The following EFNB2 variants were observed in gnomAD, a reference collection of about 807,000 sequenced individuals.
The protein encoded by EFNB2 is ephrin B2, also known as ephrin-B2.
Under a neutral mutation model 32.1 loss-of-function variants are expected in EFNB2, and 5 were observed. The observed-to-expected ratio is 0.16, with a 90% CI of 0.08 to 0.33. The LOEUF is 0.33. EFNB2 is among the 10% of genes least tolerant of loss of function. The pLI, the probability that EFNB2 is intolerant of heterozygous loss-of-function variation, is 1.00. For missense variants in EFNB2, 263 were observed against 422.6 expected (o/e 0.62, Z 3.31); for synonymous variants, 168 against 166.5 (o/e 1.01, Z -0.07).
intron 2 of EFNB2, among the ~76,000 whole-genome samples, chr13:106,498,995 C>T (rs551816909): frequency 4.6e-5 from 7 of 152,240 alleles, no homozygotes; most frequent in East Asian, 3.9e-4. Context: ...TACAGTTACA[C>T]GTTCCACCAG....
intron 2 of EFNB2, among the ~76,000 whole-genome samples, chr13:106,510,589 C>A (rs777768914): frequency 6.6e-6 from 1 of 152,220 alleles, no homozygotes; most frequent in Non-Finnish European, 1.5e-5. Context: ...CCCCTCTTCC[C>A]GTACCACGAC....
rs986897088 is a variant in EFNB2, at chr13:106,492,159, C to G, written c.*881G>C. ...GTGCCTCCCCATGCACTGGAATCCA[C>G]TGTGTGTGCTGTCGTGTCTCCTACT... On this transcript the variant is annotated 3_prime_UTR_variant, in exon 5 of 5. Coordinates refer to ENST00000646441, the MANE Select transcript of EFNB2 (RefSeq NM_004093.4). This position sits in a 1 kb window ranked among gnomAD's most constrained non-coding sequence, Gnocchi z 5.1. 16 of 152,732 alleles carry G rather than the reference C, an allele frequency of 1.0e-4. No homozygotes were observed. The highest frequency in any genetic ancestry group is 9.2e-4 in the Admixed American group (14 of 15,288). 9.5% of individuals were successfully genotyped at this position (152,732 alleles called of 1,614,324 possible). A position where few individuals can be genotyped will look rare whatever the true frequency, so the allele number is the denominator to read the frequency against.
rs76941941 is a variant in EFNB2, at chr13:106,502,171, A to C, written c.407-6331T>G. ...TTAAAGCAGTAAATCATGCATTAAG[A>C]AGTAATAACTGGCTTAGCTTCAGTG... On this transcript the variant is annotated intron_variant, in intron 2 of 4. Coordinates refer to ENST00000646441, the MANE Select transcript of EFNB2 (RefSeq NM_004093.4). Among the ~76,000 whole-genome samples the C allele has an allele frequency of 8.0e-3, 1,223 of 152,292 alleles. 14 individuals carry two copies. The highest frequency in any genetic ancestry group is 0.027 in the African/African-American group (1,121 of 41,570).
chr13:106,498,844 C>T (rs1322304462), intron 2 of EFNB2, among the ~76,000 whole-genome samples: 4 of 152,144 alleles, frequency 2.6e-5, no homozygotes, highest in African/African-American at 9.7e-5. Context: ...GACAGTTTTT[C>T]TGCTATATTC....
rs181881649 is a variant in EFNB2 at position 106,515,740 on chromosome 13, T to C, written c.123-2928A>G. On this transcript the variant is annotated intron_variant, in intron 1 of 4. Transcript: ENST00000646441. The stretch of plus-strand genomic sequence containing the variant: ...TGGCTTCTCAGTGGACAGAGTGCAG[T>C]TGAGCTGAGAGCCTGAACTACAGCT... Among the ~76,000 whole-genome samples the C allele has an allele frequency of 2.4e-3, 359 of 152,344 alleles. 8 individuals carry two copies. The highest frequency in any genetic ancestry group is 0.023 in the Admixed American group (346 of 15,302).
In EFNB2 at chr13:106,535,588, G is replaced by T. The variant is rs1566466279; in HGVS notation, c.-624C>A. 6.6e-6 allele frequency: 1 copy of T among 150,648 alleles called. No homozygotes were observed. The highest frequency in any genetic ancestry group is 2.4e-5 in the African/African-American group (1 of 41,306). 9.3% of individuals were successfully genotyped at this position (150,648 alleles called of 1,614,324 possible). A position where few individuals can be genotyped will look rare whatever the true frequency, so the allele number is the denominator to read the frequency against. On this transcript the variant is annotated 5_prime_UTR_variant, in exon 1 of 5. Transcript: ENST00000646441. ...ACGCGCGCGGGCCTTTGTGTGCGGG[G>T]AGGGCGCCGGGACCCGCTGCGTGCG...
At chr13:106,497,823 G>A (rs1368717040) in intron 2 of EFNB2, among the ~76,000 whole-genome samples, 1 of 152,076 alleles carries the variant, frequency 6.6e-6, no homozygotes. Context: ...CAAACTATGA[G>A]TTTCTATGAG....
At chr13:106,498,458 A>G (rs1878663311) in intron 2 of EFNB2, among the ~76,000 whole-genome samples, 1 of 152,108 alleles carries the variant, frequency 6.6e-6, no homozygotes, top group Admixed American at 6.6e-5. Flanking sequence ...CCTTTTCTGA[A>G]TATCAATGCT....
intron 2 of EFNB2, among the ~76,000 whole-genome samples, chr13:106,508,630 T>C (rs553525055): frequency 6.6e-5 from 10 of 152,318 alleles, no homozygotes; most frequent in African/African-American, 2.2e-4. Context: ...GTCTTGATAC[T>C]TGATAAGCAC....
chr13:106,499,074 T>C (rs67935556), intron 2 of EFNB2, among the ~76,000 whole-genome samples: 30 of 152,082 alleles, frequency 2.0e-4, no homozygotes, highest in Non-Finnish European at 1.5e-4. Context: ...GTTAGTACAC[T>C]GGTACTAACT....
At chr13:106,497,105 T>C (rs1000471922) in intron 2 of EFNB2, among the ~76,000 whole-genome samples, 1 of 152,218 alleles carries the variant, frequency 6.6e-6, no homozygotes, top group Non-Finnish European at 1.5e-5. Flanking sequence ...GCAAACAAGT[T>C]CTATATGCAT....
At chr13:106,497,139 C>T (rs1193042123) in intron 2 of EFNB2, among the ~76,000 whole-genome samples, 1 of 152,156 alleles carries the variant, frequency 6.6e-6, no homozygotes, top group Non-Finnish European at 1.5e-5. Flanking sequence ...ATGCATTCCA[C>T]TGAAATTATA....
At position 106,493,236 on chromosome 13, in the gene EFNB2, A is replaced by G. The variant is rs771862640; in HGVS notation, c.806T>C (p.Leu269Pro). The G allele has an allele frequency of 6.2e-7, 1 of 1,614,156 alleles. No homozygotes were observed. Among genetic ancestry groups the G allele is most frequent in the South Asian group, 1.1e-5 (1 of 91,080 alleles). Residue 269 changes from leucine (L) to proline (P), a missense_variant, in exon 5 of 5, where the codon CTC (leucine) becomes CCC (proline). Coordinates refer to ENST00000646441, the MANE Select transcript of EFNB2 (RefSeq NM_004093.4). This position sits in a 1 kb window ranked among gnomAD's most constrained non-coding sequence, Gnocchi z 6.1. ...GCGCTTGGGTGTGGCCAGTGTGCTG[A>G]GCGACAGCGTGGTCGTGTGCTGCGG... is the stretch of plus-strand genomic sequence containing the variant. ...HSPQHTTTLS[L>P]STLATPKRSG...
intron 1 of EFNB2, chr13:106,519,004 G>C (rs938397864): frequency 6.6e-6 from 1 of 152,134 alleles, no homozygotes; most frequent in African/African-American, 2.4e-5. Flanking sequence ...ACAGGTCCAC[G>C]GAAGGAAACC....
chr13:106,510,589 C>T (rs777768914), intron 2 of EFNB2, among the ~76,000 whole-genome samples: 1 of 152,220 alleles, frequency 6.6e-6, no homozygotes, highest in Non-Finnish European at 1.5e-5. Context: ...CCCCTCTTCC[C>T]GTACCACGAC....
chr13:106,503,181 C>G lies in EFNB2; in HGVS notation c.407-7341G>C, dbSNP rs141029377. Among the ~76,000 whole-genome samples the G allele has an allele frequency of 3.0e-3, 457 of 151,882 alleles. 1 individual carries two copies. Among genetic ancestry groups the G allele is most frequent in the African/African-American group, 0.011 (435 of 41,406 alleles). On this transcript the variant is annotated intron_variant, in intron 2 of 4. Transcript: ENST00000646441. Reference sequence around the variant, plus strand: ...TGAGGAAAAACATCACTTTCTAAGTCTAAGATCTTACTGTTAAAAGTTATG... The same window carrying G: ...TGAGGAAAAACATCACTTTCTAAGTGTAAGATCTTACTGTTAAAAGTTATG...
chr13:106,506,262 CG>C (rs1878948192), intron 2 of EFNB2: 1 of 152,144 alleles, frequency 6.6e-6, no homozygotes, highest in Non-Finnish European at 1.5e-5. Flanking sequence ...CTCTGGAAGA[CG>C]ATTTATACCA....
At chr13:106,526,692 G>C (rs1005514459) in intron 1 of EFNB2, among the ~76,000 whole-genome samples, 2 of 152,068 alleles carry the variant, frequency 1.3e-5, no homozygotes, top group African/African-American at 4.8e-5. Flanking sequence ...AACTTCTTCT[G>C]CAGCTAGGTA....
intron 2 of EFNB2, among the ~76,000 whole-genome samples, chr13:106,508,848 T>C (rs780446396): frequency 1.3e-5 from 2 of 152,200 alleles, no homozygotes; most frequent in Non-Finnish European, 2.9e-5. Flanking sequence ...GGGGACTTAG[T>C]TAATACTTAG....
Sources: allele counts gnomAD v4.1 joint callset (sites outside exome capture counted in the v4.1 genomes callset), GRCh38; gene constraint gnomAD v4.1.1; non-coding constraint Gnocchi (gnomAD v3.1); transcripts MANE v1.5; gene names NCBI Gene and HGNC (gene_info 2026-07-23, HGNC 2026-07-21).